ZBTB38: variants seen among roughly 807,000 people sequenced by gnomAD.
ZBTB38 encodes the protein zinc finger and BTB domain containing 38, also known as zinc finger and BTB domain-containing protein 38.
In ZBTB38, 20 loss-of-function variants were observed where a neutral mutation model predicts 76.8. The observed-to-expected ratio is 0.26, with a 90% CI of 0.18 to 0.38. ZBTB38 has a LOEUF of 0.38. Among genes scored for constraint, ZBTB38 ranks in the 10% least tolerant of loss-of-function variants. The probability of loss-of-function intolerance (pLI) is 1.00; values close to 1 mark genes in which losing one functional copy is unlikely to be tolerated. For missense variants in ZBTB38, 1,082 were observed against 1,482.3 expected (o/e 0.73, Z 4.43); for synonymous variants, 504 against 544.2 (o/e 0.93, Z 1.03).
chr3:141,369,119 C>T (rs186882523), intron 1 of ZBTB38, among the ~76,000 whole-genome samples: 110 of 151,882 alleles, frequency 7.2e-4, no homozygotes, highest in Non-Finnish European at 5.7e-4. Context: ...TATTCCGTTT[C>T]AGGCTGTCAG....
At chr3:141,377,518 A>G (rs200745284) in intron 2 of ZBTB38, among the ~76,000 whole-genome samples, 35 of 152,316 alleles carry the variant, frequency 2.3e-4, no homozygotes, top group African/African-American at 8.4e-4. Context: ...GTAAAATGGT[A>G]CAGCCACTCT....
chr3:141,426,272 G>A (rs1416748786), intron 5 of ZBTB38: 2 of 1,068,724 alleles, frequency 1.9e-6, no homozygotes, highest in Non-Finnish European at 2.5e-6. Context: ...CCCAGACCCT[G>A]TCTCCCAAAC....
chr3:141,381,270 T>C (rs1018986751), intron 2 of ZBTB38, among the ~76,000 whole-genome samples, 155 bp from the exon 3 acceptor site: 1 of 152,204 alleles, frequency 6.6e-6, no homozygotes, highest in African/African-American at 2.4e-5. Flanking sequence ...TCCATAATGG[T>C]GGTGACACCT....
intron 4 of ZBTB38, among the ~76,000 whole-genome samples, chr3:141,395,106 A>G (rs1950034950): frequency 6.6e-6 from 1 of 152,224 alleles, no homozygotes; most frequent in Non-Finnish European, 1.5e-5. Context: ...TTAAAGATCT[A>G]CTTGGTTTTT....
chr3:141,327,855 A>C (rs531488678), intron 1 of ZBTB38, among the ~76,000 whole-genome samples: 1 of 152,320 alleles, frequency 6.6e-6, no homozygotes, highest in African/African-American at 2.4e-5. Flanking sequence ...TTATTTTAAA[A>C]ATATATAAAG....
chr3:141,406,719 G>T (rs114265204), intron 5 of ZBTB38, among the ~76,000 whole-genome samples: 1 of 152,158 alleles, frequency 6.6e-6, no homozygotes, highest in African/African-American at 2.4e-5. Flanking sequence ...ATCTAGGGAA[G>T]CAGATAGAAG....
intron 5 of ZBTB38, among the ~76,000 whole-genome samples, chr3:141,428,207 C>T (rs1485207975): frequency 1.3e-5 from 2 of 152,226 alleles, no homozygotes; most frequent in African/African-American, 2.4e-5. Flanking sequence ...ACTGCCCAAC[C>T]TCTTGAATCC....
intron 4 of ZBTB38, among the ~76,000 whole-genome samples, chr3:141,401,930 G>A (rs530163329): frequency 6.6e-6 from 1 of 152,238 alleles, no homozygotes; most frequent in African/African-American, 2.4e-5. Context: ...CCTTATTCCT[G>A]AGAATTTGAT....
chr3:141,438,049 C>A (rs1011698955), intron 5 of ZBTB38, among the ~76,000 whole-genome samples: 3 of 144,762 alleles, frequency 2.1e-5, no homozygotes, highest in Non-Finnish European at 3.0e-5. Context: ...GTAGCTGGGA[C>A]TACAGGCGCA....
Position 141,443,265 on chromosome 3 carries a change from A to G in ZBTB38, c.877A>G (p.Asn293Asp). Residue 293 changes from asparagine (N) to aspartate (D), a missense_variant, in exon 6 of 6, where the codon AAT (asparagine) becomes GAT (aspartate). Transcript: ENST00000321464. This position sits in a 1 kb window ranked among gnomAD's most constrained non-coding sequence, Gnocchi z 5.6. ...CCCTCCAGTATCCAACTTAGAGGTT[A>G]ATCAAGAAAGAAGTCCACAACCAGC... ...PPPPVSNLEVNQERSPQPAAV... is the reference protein window; with the variant it reads ...PPPPVSNLEVDQERSPQPAAV... 2 of 1,614,242 alleles carry G rather than the reference A, an allele frequency of 1.2e-6. No individual in the cohort carries two copies. The highest frequency in any genetic ancestry group is 1.7e-6 in the Non-Finnish European group (2 of 1,180,048).
Position 141,444,815 on chromosome 3 carries a change from T to C in ZBTB38, c.2427T>C (p.Ala809=). Residue 809 remains alanine (A), a synonymous_variant, in exon 6 of 6, where the codon GCT becomes GCC. Transcript: ENST00000321464. The surrounding 1 kb of genome is among the most constrained non-coding windows in gnomAD (Gnocchi z 5.1). ...CACTGAGCAAAACCACAAATATTGC[T>C]GAAGAAACCAGCAAAATTGAAACCT... ...GGSLSKTTNI[A]EETSKIETYI... is the part of the protein sequence containing the mutation. 2 of 1,614,150 alleles carry C rather than the reference T, an allele frequency of 1.2e-6. No homozygotes were observed. Among genetic ancestry groups the C allele is most frequent in the Non-Finnish European group, 1.7e-6 (2 of 1,180,044 alleles).
Position 141,442,761 on chromosome 3 carries a change from C to T in ZBTB38, c.373C>T (p.Arg125Cys), listed in dbSNP as rs777917847. 6.2e-6 allele frequency: 10 copies of T among 1,614,074 alleles called. No homozygotes were observed. The highest frequency in any genetic ancestry group is 1.6e-4 in the Middle Eastern group (1 of 6,062). ...GISFLEDLTD[R>C]NFSNSPGPYV... is the part of the protein sequence containing the mutation. ...ATCGTTCTTGGAAGACCTTACTGATCGCAACTTCTCAAATTCCCCGGGTCC... is the reference window on the plus strand; with the variant it reads ...ATCGTTCTTGGAAGACCTTACTGATTGCAACTTCTCAAATTCCCCGGGTCC... The change falls in exon 6 of 6, where the codon CGC (arginine) becomes TGC (cysteine). Residue 125 changes from arginine to cysteine, a missense_variant. Physicochemically the swap from Arg to Cys is radical, Grantham distance 180. Coordinates refer to ENST00000321464, the MANE Select transcript of ZBTB38 (RefSeq NM_001376113.1). The surrounding 1 kb of genome is among the most constrained non-coding windows in gnomAD (Gnocchi z 6.4).
rs2081223261 is a variant in ZBTB38, at chr3:141,448,010, A to G, written c.*2034A>G. ...GGTTTTATTAAAGAGATAGTCACAA[A>G]GGGCTTACGAAAATCATTTTTGAAT... On this transcript the variant is annotated 3_prime_UTR_variant, in exon 6 of 6. Transcript: ENST00000321464. 6.6e-6 allele frequency: 1 copy of G among 152,670 alleles called. No homozygotes were observed. The highest frequency in any genetic ancestry group is 1.5e-5 in the Non-Finnish European group (1 of 68,040). The allele number at this position is 152,670 out of a possible 1,614,324, so 9.5% of individuals were successfully genotyped here. A position where few individuals can be genotyped will look rare whatever the true frequency, so the allele number is the denominator to read the frequency against.
intron 5 of ZBTB38, among the ~76,000 whole-genome samples, chr3:141,437,948 G>A (rs1185673378): frequency 1.3e-5 from 2 of 151,898 alleles, no homozygotes; most frequent in Non-Finnish European, 2.9e-5. Context: ...GTCTCGCTCT[G>A]TTGCCCAGGC....
At chr3:141,378,185 C>CTA (rs1945663234) in intron 2 of ZBTB38, among the ~76,000 whole-genome samples, 1 of 135,748 alleles carries the variant, frequency 7.4e-6, no homozygotes, top group Non-Finnish European at 1.6e-5. Context: ...TCTCAACAAG[C>CTA]AAAAAAAAAA....
chr3:141,443,545 T>C lies in ZBTB38; in HGVS notation c.1157T>C (p.Leu386Ser). ...CNKQFTTLNR[L>S]DRHEQICMRS... ...AAACAATTCACCACCCTGAACAGGT[T>C]GGATCGGCATGAACAGATCTGCATG... is the stretch of plus-strand genomic sequence containing the variant. The change falls in exon 6 of 6, where the codon TTG becomes TCG. Residue 386 changes from leucine to serine, a missense_variant. Coordinates refer to ENST00000321464, the MANE Select transcript of ZBTB38 (RefSeq NM_001376113.1). This position sits in a 1 kb window ranked among gnomAD's most constrained non-coding sequence, Gnocchi z 5.6. 6.2e-7 allele frequency: 1 copy of C among 1,614,218 alleles called. No individual in the cohort carries two copies. The highest frequency in any genetic ancestry group is 8.5e-7 in the Non-Finnish European group (1 of 1,180,034).
intron 1 of ZBTB38, among the ~76,000 whole-genome samples, chr3:141,333,183 T>C (rs1942903389): frequency 6.6e-6 from 1 of 152,174 alleles, no homozygotes; most frequent in African/African-American, 2.4e-5. Context: ...CATTGTTTGC[T>C]CCGGTAAAGC....
Position 141,432,280 on chromosome 3 carries a change from A to AG in ZBTB38, c.1-10107dup, listed in dbSNP as rs2077788760. The AG allele has an allele frequency of 4.1e-6, 4 of 985,264 alleles. No homozygotes were observed. The East Asian group carries it at 3.4e-4, about 84-fold the overall frequency. 61.0% of individuals were successfully genotyped at this position (985,264 alleles called of 1,614,324 possible). A position where few individuals can be genotyped will look rare whatever the true frequency, so the allele number is the denominator to read the frequency against. On this transcript the variant is annotated intron_variant, in intron 5 of 5. Coordinates refer to ENST00000321464, the MANE Select transcript of ZBTB38 (RefSeq NM_001376113.1). ...AATACAGTGCGTTCTTTTTTTAGTT[A>AG]GGTTTTATTTCTACGTTTCTTTTTA...
At chr3:141,368,468 GC>G (rs1425770724), upstream of ZBTB38, 4 of 152,002 alleles carry the variant, frequency 2.6e-5, no homozygotes, top group South Asian at 8.3e-4. Flanking sequence ...CGTCACCCAC[GC>G]CCGGCCACTG....
Sources: allele counts gnomAD v4.1 joint callset (sites outside exome capture counted in the v4.1 genomes callset), GRCh38; gene constraint gnomAD v4.1.1; non-coding constraint Gnocchi (gnomAD v3.1); transcripts MANE v1.5; gene names NCBI Gene and HGNC (gene_info 2026-07-23, HGNC 2026-07-21).